The following RBFOX1 variants were observed in gnomAD, a reference collection of about 807,000 sequenced individuals.
RBFOX1 encodes RNA binding protein fox-1 homolog 1.
RBFOX1 carries 8 observed loss-of-function variants against 57.7 expected under a neutral mutation model. The ratio of observed to expected loss-of-function variants is 0.14; its 90% CI spans 0.08 to 0.25. The LOEUF is 0.25. RBFOX1 is among the 10% of genes least tolerant of loss of function. The pLI is 1.00. For missense variants in RBFOX1, 611 were observed against 548.5 expected, an observed-to-expected ratio of 1.11 and a Z score of -1.14; for synonymous variants, 326 against 222.4, an observed-to-expected ratio of 1.47 and a Z score of -4.15.
chr16:7,537,013 A>G (rs879731360), intron 5 of RBFOX1, among the ~76,000 whole-genome samples: 3 of 152,222 alleles, frequency 2.0e-5, no homozygotes, highest in Admixed American at 6.5e-5. Context: ...AAACACTCAT[A>G]CAGAGCCCTG....
chr16:6,399,081 C>A (rs2092959474), intron 2 of RBFOX1, among the ~76,000 whole-genome samples: 1 of 152,228 alleles, frequency 6.6e-6, no homozygotes, highest in South Asian at 2.1e-4. Flanking sequence ...GTGAAAGCTG[C>A]CAAGGCTTGG....
chr16:7,418,865 G>C (rs9888780), intron 4 of RBFOX1, among the ~76,000 whole-genome samples: 133,036 of 151,856 alleles, frequency 0.88, 58,703 homozygotes, highest in East Asian at 1. Flanking sequence ...CTCTTCCAGA[G>C]CCACTAAGAG....
chr16:6,693,931 A>T (rs1489175296), intron 3 of RBFOX1, among the ~76,000 whole-genome samples: 1 of 152,224 alleles, frequency 6.6e-6, no homozygotes, highest in African/African-American at 2.4e-5. Context: ...GTTTACCCAT[A>T]TGAAGTAGAC....
At chr16:7,023,618 A>C (rs1337520147) in intron 3 of RBFOX1, among the ~76,000 whole-genome samples, 1 of 147,778 alleles carries the variant, frequency 6.8e-6, no homozygotes, top group Non-Finnish European at 1.5e-5. Context: ...GTGGTACATG[A>C]CTATAATTTC....
At chr16:6,331,960 T>G (rs2083089596) in intron 2 of RBFOX1, among the ~76,000 whole-genome samples, 1 of 152,160 alleles carries the variant, frequency 6.6e-6, no homozygotes, top group Non-Finnish European at 1.5e-5. Context: ...GCTGACATTC[T>G]TAATAGTTCT....
At chr16:6,869,890 C>T (rs751567017) in intron 3 of RBFOX1, among the ~76,000 whole-genome samples, 1 of 152,120 alleles carries the variant, frequency 6.6e-6, no homozygotes, top group Non-Finnish European at 1.5e-5. Flanking sequence ...TGTCTCCCCG[C>T]AGTAAAAGCA....
chr16:5,694,646 G>C (rs149527644), intron 3 of RBFOX1, among the ~76,000 whole-genome samples: 1 of 152,138 alleles, frequency 6.6e-6, no homozygotes, highest in African/African-American at 2.4e-5. Context: ...CTTCCTGAGG[G>C]CTTTGCTCAG....
intron 1 of RBFOX1, among the ~76,000 whole-genome samples, chr16:5,302,740 A>C (rs1200975862): frequency 6.6e-6 from 1 of 152,224 alleles, no homozygotes; most frequent in Admixed American, 6.5e-5. Context: ...TATTCATGCC[A>C]AACCAGCTCT....
intron 6 of RBFOX1, among the ~76,000 whole-genome samples, chr16:7,582,822 C>T (rs922158055): frequency 6.6e-6 from 1 of 152,144 alleles, no homozygotes; most frequent in Non-Finnish European, 1.5e-5. Flanking sequence ...GCTTTTCCCC[C>T]CCTTTGTCTC....
intron 5 of RBFOX1, among the ~76,000 whole-genome samples, chr16:7,527,224 G>A (rs535205577): frequency 6.6e-6 from 1 of 152,012 alleles, no homozygotes; most frequent in Non-Finnish European, 1.5e-5. Context: ...GTTTCCTTAG[G>A]AGCCTGAGCA....
chr16:6,662,527 G>C (rs146521147), intron 3 of RBFOX1, among the ~76,000 whole-genome samples: 6 of 152,240 alleles, frequency 3.9e-5, no homozygotes, highest in African/African-American at 1.4e-4. Context: ...GATTTCAGGT[G>C]GCAAATGAGG....
intron 1 of RBFOX1, among the ~76,000 whole-genome samples, chr16:6,174,938 C>G (rs534415203): frequency 1.3e-5 from 2 of 152,328 alleles, no homozygotes; most frequent in East Asian, 1.9e-4. Context: ...ATGGCCAGAG[C>G]TAAGCTCCTG....
At chr16:6,712,932 A>ATTCAC (rs3042494) in intron 3 of RBFOX1, among the ~76,000 whole-genome samples, 59,700 of 137,218 alleles carry the variant, frequency 0.44, 15,799 homozygotes, top group Middle Eastern at 0.74. Flanking sequence ...CATGATAGTG[A>ATTCAC]ATAACTCTCA....
intron 3 of RBFOX1, among the ~76,000 whole-genome samples, chr16:6,831,004 C>T (rs186911503): frequency 5.4e-4 from 83 of 152,314 alleles, no homozygotes; most frequent in African/African-American, 1.9e-3. Context: ...ATAGAACCTT[C>T]GGATTTACCA....
At chr16:7,689,585 C>T (rs1377720074) in intron 14 of RBFOX1, among the ~76,000 whole-genome samples, 1 of 151,958 alleles carries the variant, frequency 6.6e-6, no homozygotes, top group Non-Finnish European at 1.5e-5. Context: ...GGAATCTATA[C>T]CTTGAATGAG....
intron 4 of RBFOX1, among the ~76,000 whole-genome samples, chr16:7,088,010 T>C (rs982062436): frequency 7.9e-5 from 12 of 152,224 alleles, no homozygotes; most frequent in African/African-American, 2.4e-4. Context: ...TGTGGCAGAA[T>C]AATCTTGCAC....
rs562757736 is a variant in RBFOX1 at position 6,464,480 on chromosome 16, A to C, written c.-64+147423A>C. ...CAACAAGCGTTGTTTGTAATAACGAAGTCCTACCCTGATCTAATGCATACT... is the reference window on the plus strand; with the variant it reads ...CAACAAGCGTTGTTTGTAATAACGACGTCCTACCCTGATCTAATGCATACT... On this transcript the variant is annotated intron_variant, in intron 2 of 15. Transcript: ENST00000550418. Among the ~76,000 whole-genome samples the C allele has an allele frequency of 2.0e-5, 3 of 152,356 alleles. No homozygotes were observed. The South Asian group carries it at 6.2e-4, about 32-fold the overall frequency.
chr16:5,253,627 C>T (rs563445947), intron 1 of RBFOX1, among the ~76,000 whole-genome samples: 1 of 152,326 alleles, frequency 6.6e-6, no homozygotes, highest in East Asian at 1.9e-4. Flanking sequence ...CACCAATGAG[C>T]CTCATCCTGT....
At chr16:5,260,930 G>C (rs1392848613) in intron 1 of RBFOX1, 3 of 152,346 alleles carry the variant, frequency 2.0e-5, no homozygotes, top group Admixed American at 6.5e-5. Flanking sequence ...ACCCATTGTG[G>C]TCTTGTACAT....
Sources: gnomAD v4.1 joint callset for allele counts (sites outside exome capture counted in the v4.1 genomes callset) on GRCh38, gnomAD v4.1.1 for gene constraint, MANE v1.5 for transcripts, NCBI Gene and HGNC (gene_info 2026-07-23, HGNC 2026-07-21) for gene names.